The following SHISA9 variants were observed in gnomAD, a reference collection of about 807,000 sequenced individuals.
The protein encoded by SHISA9 is protein shisa-9.
In SHISA9, 13 loss-of-function variants were observed where a neutral mutation model predicts 38.0. That is an observed-to-expected ratio of 0.34 (90% CI 0.22 to 0.54). The LOEUF (loss-of-function observed/expected upper bound fraction) is 0.54. SHISA9 is among the 20% of genes least tolerant of loss of function. The probability of loss-of-function intolerance (pLI) is 0.91; values close to 1 mark genes in which losing one functional copy is unlikely to be tolerated. For synonymous variants in SHISA9, 275 were observed against 242.0 expected, an observed-to-expected ratio of 1.14 and a Z score of -1.27; for missense variants, 538 against 575.8, an observed-to-expected ratio of 0.93 and a Z score of 0.67.
At chr16:13,440,021 C>A in the SHISA9 span, among the ~76,000 whole-genome samples, 1 of 152,192 alleles carries the variant, frequency 6.6e-6, no homozygotes, top group African/African-American at 2.4e-5. Flanking sequence ...CTCAAGAGGA[C>A]GTGCGTTCTG....
At chr16:12,940,979 T>C (rs2071602757) in intron 2 of SHISA9, among the ~76,000 whole-genome samples, 1 of 152,220 alleles carries the variant, frequency 6.6e-6, no homozygotes, top group Non-Finnish European at 1.5e-5. Context: ...TCACCAGTTA[T>C]CATGTTTTGC....
chr16:13,471,719 A>C, the SHISA9 span, among the ~76,000 whole-genome samples: 2 of 152,144 alleles, frequency 1.3e-5, no homozygotes, highest in Non-Finnish European at 2.9e-5. Context: ...AATCCACCAG[A>C]ATTTAGGGCT....
At chr16:13,097,834 G>A (rs2073842688) in intron 2 of SHISA9, among the ~76,000 whole-genome samples, 2 of 152,190 alleles carry the variant, frequency 1.3e-5, no homozygotes, top group Non-Finnish European at 2.9e-5. Flanking sequence ...AAAATGTCAT[G>A]ATAGACAGCA....
intron 2 of SHISA9, among the ~76,000 whole-genome samples, chr16:13,015,866 C>CTTTCTT (rs560001369): frequency 4.4e-4 from 37 of 83,186 alleles, no homozygotes; most frequent in Non-Finnish European, 9.3e-4. Context: ...TTCTTTCTTT[C>CTTTCTT]TTTCTTTCTT....
chr16:13,010,757 G>A (rs1378829736), intron 2 of SHISA9, among the ~76,000 whole-genome samples: 35 of 152,138 alleles, frequency 2.3e-4, no homozygotes, highest in Non-Finnish European at 1.5e-5. Context: ...TTCGAGACCG[G>A]TCTGGCCAAC....
At chr16:13,520,678 T>C in the SHISA9 span, among the ~76,000 whole-genome samples, 1 of 145,348 alleles carries the variant, frequency 6.9e-6, no homozygotes, top group East Asian at 2.1e-4. Context: ...AAAGACAAAA[T>C]TCTTCAGCAG....
At chr16:12,992,507 G>T (rs1041277736) in intron 2 of SHISA9, among the ~76,000 whole-genome samples, 31 of 152,162 alleles carry the variant, frequency 2.0e-4, no homozygotes, top group African/African-American at 7.5e-4. Flanking sequence ...ACTCCAGCCT[G>T]GGCGACAGAG....
At chr16:13,543,725 A>G in the SHISA9 span, among the ~76,000 whole-genome samples, 105,090 of 151,938 alleles carry the variant, frequency 0.69, 36,883 homozygotes, top group East Asian at 0.97. Flanking sequence ...TACTGCACAC[A>G]ACTCCTTGCC....
chr16:12,938,081 A>G (rs534514007), intron 2 of SHISA9, among the ~76,000 whole-genome samples: 64 of 152,338 alleles, frequency 4.2e-4, no homozygotes, highest in Non-Finnish European at 7.2e-4. Context: ...CTGGACTTGT[A>G]GAATGGATTG....
chr16:13,039,363 T>C (rs2073108085), intron 2 of SHISA9, among the ~76,000 whole-genome samples: 2 of 152,166 alleles, frequency 1.3e-5, no homozygotes, highest in Non-Finnish European at 2.9e-5. Context: ...TGAGAGAGGC[T>C]AAGTGACTTG....
At chr16:13,498,399 T>G in the SHISA9 span, among the ~76,000 whole-genome samples, 1 of 152,206 alleles carries the variant, frequency 6.6e-6, no homozygotes, top group South Asian at 2.1e-4. Context: ...TGGAACTAAG[T>G]TTCAAAAGTC....
intron 2 of SHISA9, among the ~76,000 whole-genome samples, chr16:13,169,881 T>C (rs1366649159): frequency 1.3e-5 from 2 of 152,158 alleles, no homozygotes; most frequent in East Asian, 1.9e-4. Context: ...TATGAATCCT[T>C]ACATGCGTAT....
chr16:13,376,268 G>A, the SHISA9 span, among the ~76,000 whole-genome samples: 1 of 152,152 alleles, frequency 6.6e-6, no homozygotes, highest in African/African-American at 2.4e-5. Flanking sequence ...TAAATATTTT[G>A]AGCAATTATA....
chr16:13,114,872 T>A (rs1052818962), intron 2 of SHISA9, among the ~76,000 whole-genome samples: 4 of 152,128 alleles, frequency 2.6e-5, no homozygotes, highest in African/African-American at 9.7e-5. Flanking sequence ...TTTATATATG[T>A]TTATAACTAG....
chr16:13,177,759 T>G (rs1374336850), intron 2 of SHISA9, among the ~76,000 whole-genome samples: 1 of 152,150 alleles, frequency 6.6e-6, no homozygotes, highest in Non-Finnish European at 1.5e-5. Context: ...AACCTCTGCC[T>G]CCTGTGTTCA....
rs577630815 is a variant in SHISA9 at position 13,098,468 on chromosome 16, G to T, written c.692-104926G>T. On this transcript the variant is annotated intron_variant, in intron 2 of 4. Coordinates refer to ENST00000558583, the MANE Select transcript of SHISA9 (RefSeq NM_001145204.3). ...GGGAGTCACCACTTTTCTCAGTCTT[G>T]CTGGCCCTGTGTTTTCCCTCTTGCC... Among the ~76,000 whole-genome samples the T allele has an allele frequency of 1.8e-4, 27 of 152,200 alleles. 1 individual carries two copies. The highest frequency in any genetic ancestry group is 5.8e-4 in the African/African-American group (24 of 41,506).
chr16:13,056,841 C>T (rs2073316366), intron 2 of SHISA9, among the ~76,000 whole-genome samples: 1 of 152,186 alleles, frequency 6.6e-6, no homozygotes, highest in Non-Finnish European at 1.5e-5. Flanking sequence ...TGAATTCATG[C>T]CACGAAGCGT....
chr16:13,551,100 G>A, the SHISA9 span, among the ~76,000 whole-genome samples: 1 of 151,242 alleles, frequency 6.6e-6, no homozygotes, highest in Non-Finnish European at 1.5e-5. Context: ...CTCCAGCCTG[G>A]GCGACAGTGA....
At chr16:13,410,050 G>T in the SHISA9 span, among the ~76,000 whole-genome samples, 1 of 152,208 alleles carries the variant, frequency 6.6e-6, no homozygotes, top group Non-Finnish European at 1.5e-5. Flanking sequence ...AGTATTAGTA[G>T]CATGGAAGAT....
Sources: gnomAD v4.1 joint callset for allele counts (sites outside exome capture counted in the v4.1 genomes callset) on GRCh38, gnomAD v4.1.1 for gene constraint, MANE v1.5 for transcripts, NCBI Gene and HGNC (gene_info 2026-07-23, HGNC 2026-07-21) for gene names.